Variants in RUFY2 observed in about 807,000 individuals in gnomAD.
The protein encoded by RUFY2 is RUN and FYVE domain containing 2.
Under a neutral mutation model 94.4 loss-of-function variants are expected in RUFY2, and 49 were observed. That is an observed-to-expected ratio of 0.52 (90% CI 0.41 to 0.66). RUFY2 has a LOEUF of 0.66. Among genes scored for constraint, RUFY2 ranks in the 30% least tolerant of loss-of-function variants. The pLI is 0.00. For missense variants in RUFY2, 541 were observed against 692.8 expected (o/e 0.78, Z 2.46); for synonymous variants, 255 against 235.7 (o/e 1.08, Z -0.75).
At chr10:68,342,035 G>T, downstream of RUFY2, 1 of 1,613,756 alleles carries the variant, frequency 6.2e-7, no homozygotes, top group Non-Finnish European at 8.5e-7. Context: ...AGTGGAGGTG[G>T]ATGGCGTGGG....
At chr10:68,370,890 C>T (rs1257792750) in intron 13 of RUFY2, among the ~76,000 whole-genome samples, 4 of 151,898 alleles carry the variant, frequency 2.6e-5, no homozygotes, top group South Asian at 2.1e-4. Flanking sequence ...CCCAGCACTT[C>T]GAGAGGCCAA....
In RUFY2 at chr10:68,383,878, A is replaced by T. The variant is rs761493296; in HGVS notation, c.859T>A (p.Tyr287Asn). ...TCTAGCCCCTGACGAGAATGCTTAT[A>T]TGTTTGAAGCTCAGTTTCCACATCT... ...KVDVETELQT[Y>N]KHSRQGLDEM... Residue 287 changes from tyrosine (Y) to asparagine (N), a missense_variant, in exon 10 of 18, where the codon TAT (tyrosine) becomes AAT (asparagine). Physicochemically the swap from Tyr to Asn is moderately radical, Grantham distance 143. Transcript: ENST00000602465. The T allele has an allele frequency of 6.2e-7, 1 of 1,613,928 alleles. No individual in the cohort carries two copies. The highest frequency in any genetic ancestry group is 1.1e-5 in the South Asian group (1 of 91,074).
At chr10:68,382,501 T>G (rs2049142071) in intron 10 of RUFY2, among the ~76,000 whole-genome samples, 1 of 150,388 alleles carries the variant, frequency 6.6e-6, no homozygotes, top group African/African-American at 2.4e-5. Context: ...GATCATGAGG[T>G]CAAGAGATCG....
chr10:68,375,416 C>T (rs747111784), intron 13 of RUFY2, among the ~76,000 whole-genome samples: 63 of 151,632 alleles, frequency 4.2e-4, no homozygotes, highest in Non-Finnish European at 7.9e-4. Context: ...ACCCATGACA[C>T]GTGTTTACCT....
chr10:68,341,437 T>A, downstream of RUFY2: 1 of 1,063,212 alleles, frequency 9.4e-7, no homozygotes, highest in South Asian at 1.4e-5. Context: ...TATAATGGCT[T>A]TCTGTGGGCT....
At chr10:68,380,078 G>A (rs1564821916) in intron 11 of RUFY2, among the ~76,000 whole-genome samples, 2 of 151,518 alleles carry the variant, frequency 1.3e-5, no homozygotes, top group Non-Finnish European at 2.9e-5. Flanking sequence ...AAAGTGCTGG[G>A]ATTACAGGCA....
intron 13 of RUFY2, among the ~76,000 whole-genome samples, chr10:68,376,489 T>TATATGTATATTC (rs58358117): frequency 1.9e-5 from 1 of 51,814 alleles, no homozygotes; most frequent in Non-Finnish European, 4.0e-5. Context: ...TATATATATA[T>TATATGTATATTC]ATTCTCAGAA....
rs1367848112 is a variant in RUFY2, at chr10:68,397,598, TA to T, written c.297-718del. Among the ~76,000 whole-genome samples, 6 of 143,342 alleles carry T rather than the reference TA, an allele frequency of 4.2e-5. No individual in the cohort carries two copies. In the East Asian group the frequency reaches 8.3e-4, roughly 20 times the overall value. The allele number at this position is 143,342 out of a possible 152,430, so 94.0% of individuals were successfully genotyped here. ...AAAATAAATTAATTAAATTTAAAAA[TA>T]AAAAAAATTAAAAAAGTGAAAAAAA... On this transcript the variant is annotated intron_variant, in intron 3 of 17. Transcript: ENST00000602465.
intron 13 of RUFY2, among the ~76,000 whole-genome samples, chr10:68,375,163 C>T (rs1053423980): frequency 1.3e-5 from 2 of 151,646 alleles, no homozygotes; most frequent in Admixed American, 6.6e-5. Flanking sequence ...AGAGTTGAGA[C>T]GGGAGAATCA....
chr10:68,394,919 G>A lies in RUFY2; in HGVS notation c.399-468C>T, dbSNP rs372989981. Among the ~76,000 whole-genome samples, 11 of 151,902 alleles carry A rather than the reference G, an allele frequency of 7.2e-5. No homozygotes were observed. The East Asian group carries it at 9.7e-4, about 13-fold the overall frequency. ...GCTGGGATTACAGGCGTGAGCCACC[G>A]CGCCTAGCCAACTTTTCATATTTTT... On this transcript the variant is annotated intron_variant, in intron 4 of 17. Transcript: ENST00000602465.
chr10:68,388,368 C>G (rs1248313644), intron 7 of RUFY2, among the ~76,000 whole-genome samples: 3 of 152,210 alleles, frequency 2.0e-5, no homozygotes, highest in African/African-American at 7.2e-5. Context: ...AAGGCTGAGG[C>G]AGGAGAATTA....
intron 16 of RUFY2, among the ~76,000 whole-genome samples, chr10:68,353,798 CA>C (rs1564782524): frequency 1.3e-5 from 2 of 151,282 alleles, no homozygotes; most frequent in East Asian, 1.9e-4. Context: ...GACCCCATCT[CA>C]AAAAAATAAT....
chr10:68,399,534 C>T (rs977851372), intron 3 of RUFY2, among the ~76,000 whole-genome samples: 2 of 152,208 alleles, frequency 1.3e-5, no homozygotes, highest in African/African-American at 4.8e-5. Context: ...CAGTGCTCAA[C>T]AGTAGCCACT....
intron 13 of RUFY2, among the ~76,000 whole-genome samples, chr10:68,373,972 G>A (rs1033277794): frequency 5.3e-5 from 8 of 151,760 alleles, no homozygotes; most frequent in African/African-American, 1.7e-4. Flanking sequence ...TAAGTTAGCT[G>A]GGTATGGTGG....
chr10:68,371,797 A>C (rs1202689509), intron 13 of RUFY2, among the ~76,000 whole-genome samples: 1 of 152,178 alleles, frequency 6.6e-6, no homozygotes, highest in Non-Finnish European at 1.5e-5. Context: ...GTAAGACAGA[A>C]ATGACATTAA....
intron 15 of RUFY2, among the ~76,000 whole-genome samples, chr10:68,355,930 A>G (rs960457736): frequency 6.7e-6 from 1 of 150,132 alleles, no homozygotes; most frequent in African/African-American, 2.5e-5. Context: ...AAAAAAAAAG[A>G]AAAAAAAGAA....
chr10:68,407,151 G>A lies in RUFY2; in HGVS notation c.4+35C>T, dbSNP rs115284499. On this transcript the variant is annotated intron_variant, in intron 1 of 17. Coordinates refer to ENST00000602465, the MANE Select transcript of RUFY2 (RefSeq NM_001330103.2). Reference sequence around the variant, plus strand: ...GCCGCGGCCCTCAGCCCGGGACTGAGGGCCTAGCGTTCGGTTTCGGCCCGC... The same window carrying A: ...GCCGCGGCCCTCAGCCCGGGACTGAAGGCCTAGCGTTCGGTTTCGGCCCGC... 10,191 of 1,497,492 alleles carry A rather than the reference G, an allele frequency of 6.8e-3. 555 individuals are homozygous for A. In the African/African-American group the frequency reaches 0.13, roughly 19 times the overall value. The allele number at this position is 1,497,492 out of a possible 1,614,324, so 92.8% of individuals were successfully genotyped here.
At chr10:68,352,654 G>T (rs988619396) in intron 16 of RUFY2, among the ~76,000 whole-genome samples, 1 of 152,166 alleles carries the variant, frequency 6.6e-6, no homozygotes, top group African/African-American at 2.4e-5. Flanking sequence ...GGGGTGGCTG[G>T]GCACGGTGGC....
chr10:68,379,272 C>G, intron 12 of RUFY2, 152 bp downstream of exon 12: 1 of 565,940 alleles, frequency 1.8e-6, no homozygotes, highest in Non-Finnish European at 3.1e-6. Flanking sequence ...CATGCAACAA[C>G]CAAAGCAAAA....
Sources: gnomAD v4.1 joint callset for allele counts (sites outside exome capture counted in the v4.1 genomes callset) on GRCh38, gnomAD v4.1.1 for gene constraint, MANE v1.5 for transcripts, NCBI Gene and HGNC (gene_info 2026-07-23, HGNC 2026-07-21) for gene names.